Variants in GLB1 observed in about 807,000 individuals in gnomAD.
GLB1 encodes galactosidase beta 1.
GLB1 carries 56 observed loss-of-function variants against 74.0 expected under a neutral mutation model. The observed-to-expected ratio is 0.76, with a 90% CI of 0.61 to 0.94. The LOEUF (loss-of-function observed/expected upper bound fraction) is 0.94, where lower values mean the gene tolerates loss of function less well. GLB1 is among the 40% of genes least tolerant of loss of function. The probability of loss-of-function intolerance (pLI) is 0.00; values close to 1 mark genes in which losing one functional copy is unlikely to be tolerated. For missense variants in GLB1, 787 were observed against 845.5 expected (o/e 0.93, Z 0.86); for synonymous variants, 323 against 323.6 (o/e 1.00, Z 0.02).
intron 5 of GLB1, among the ~76,000 whole-genome samples, chr3:33,064,317 G>A (rs1292374689): frequency 1.3e-5 from 2 of 151,550 alleles, no homozygotes; most frequent in African/African-American, 4.9e-5. Flanking sequence ...GTGCACGCCT[G>A]TAATGCCAGC....
At chr3:33,063,022 G>A (rs1010386982) in intron 5 of GLB1, among the ~76,000 whole-genome samples, 1 of 152,180 alleles carries the variant, frequency 6.6e-6, no homozygotes, top group Non-Finnish European at 1.5e-5. Flanking sequence ...AAAAGGAGGC[G>A]ACAGTGACGG....
intron 1 of GLB1, among the ~76,000 whole-genome samples, chr3:33,089,041 T>C (rs907993199): frequency 6.6e-6 from 1 of 152,130 alleles, no homozygotes; most frequent in Non-Finnish European, 1.5e-5. Context: ...AAAAGGACAA[T>C]TTCTTCAGAA....
intron 1 of GLB1, chr3:33,077,324 A>G (rs1700149616): frequency 6.4e-7 from 1 of 1,557,992 alleles, no homozygotes; most frequent in Non-Finnish European, 8.7e-7. Flanking sequence ...TACACCACTT[A>G]GTAAACTAAT....
chr3:33,071,262 C>T (rs1233046336), intron 2 of GLB1, among the ~76,000 whole-genome samples: 1 of 151,806 alleles, frequency 6.6e-6, no homozygotes, highest in East Asian at 1.9e-4. Flanking sequence ...CTTGGGTTCA[C>T]TCTGCCAGTG....
At chr3:33,074,324 AGAAGGAAGGAAGGAAG>A (rs71622579) in intron 1 of GLB1, among the ~76,000 whole-genome samples, 43 of 92,958 alleles carry the variant, frequency 4.6e-4, no homozygotes, top group African/African-American at 1.8e-3. Flanking sequence ...AGAACGAGAA[AGAAGGAAGGAAGGAAG>A]GAAGGAAGGA....
intron 1 of GLB1, among the ~76,000 whole-genome samples, chr3:33,089,236 T>C (rs537715382): frequency 7.9e-5 from 12 of 152,306 alleles, no homozygotes; most frequent in Admixed American, 1.3e-4. Flanking sequence ...AATGATTTCT[T>C]GGATATGATG....
chr3:32,988,673 G>A, the GLB1 span, among the ~76,000 whole-genome samples: 1 of 152,272 alleles, frequency 6.6e-6, no homozygotes, highest in South Asian at 2.1e-4. Flanking sequence ...TTACCAGGTT[G>A]GCTTTTGTAG....
chr3:33,091,632 G>T (rs1700766971), intron 1 of GLB1: 1 of 984,052 alleles, frequency 1.0e-6, no homozygotes, highest in Admixed American at 6.1e-5. Flanking sequence ...ACAATCTTGA[G>T]GTAGATACGA....
At chr3:33,008,963 T>C (rs945449536) in intron 15 of GLB1, among the ~76,000 whole-genome samples, 1 of 150,978 alleles carries the variant, frequency 6.6e-6, no homozygotes, top group Non-Finnish European at 1.5e-5. Context: ...CTACTAAAAA[T>C]ACAAAATTAG....
chr3:33,079,957 A>G (rs955166298), intron 1 of GLB1, among the ~76,000 whole-genome samples: 1 of 151,834 alleles, frequency 6.6e-6, no homozygotes, highest in African/African-American at 2.4e-5. Flanking sequence ...ATAATTTTCA[A>G]ATTTTCTGTA....
chr3:33,076,800 C>T (rs1018210901), intron 1 of GLB1, among the ~76,000 whole-genome samples: 3 of 152,240 alleles, frequency 2.0e-5, no homozygotes, highest in Non-Finnish European at 4.4e-5. Context: ...AGAGTACCAA[C>T]TCATTACTAT....
intron 10 of GLB1, among the ~76,000 whole-genome samples, chr3:33,038,184 CTGTG>C (rs1698361275): frequency 6.6e-6 from 1 of 152,204 alleles, no homozygotes; most frequent in South Asian, 2.1e-4. Flanking sequence ...TTTATCTCTT[CTGTG>C]AGCCCCTCCA....
chr3:33,007,309 G>C (rs1482002103), intron 15 of GLB1, among the ~76,000 whole-genome samples: 1 of 152,154 alleles, frequency 6.6e-6, no homozygotes, highest in Non-Finnish European at 1.5e-5. Context: ...GTCAATTATA[G>C]AACATTTCGT....
chr3:33,051,934 G>C lies in GLB1; in HGVS notation c.863C>G (p.Ala288Gly). Residue 288 changes from alanine to glycine, a missense_variant, in exon 8 of 16, where the codon GCA (alanine) becomes GGA (glycine). Transcript: ENST00000307363. ...GQPHSTIKTE[A>G]VASSLYDILA... ...TATATCATAGAGGGAGGAAGCCACT[G>C]CTTCGGTCTTGATTGTGGAGTGAGG... 3 of 1,614,246 alleles carry C rather than the reference G, an allele frequency of 1.9e-6. No individual in the cohort carries two copies. Among genetic ancestry groups the C allele is most frequent in the Non-Finnish European group, 2.5e-6 (3 of 1,180,046 alleles).
chr3:32,961,608 C>T, the GLB1 span, among the ~76,000 whole-genome samples: 1 of 152,144 alleles, frequency 6.6e-6, no homozygotes, highest in African/African-American at 2.4e-5. Context: ...AAAACTGCTG[C>T]CATCGCCTTC....
At chr3:33,023,547 G>A (rs1272376027) in intron 11 of GLB1, among the ~76,000 whole-genome samples, 5 of 151,956 alleles carry the variant, frequency 3.3e-5, no homozygotes, top group African/African-American at 1.2e-4. Context: ...TTAAGAAATA[G>A]GTAACGGTTC....
chr3:33,053,387 T>C (rs1206776547), intron 7 of GLB1, 104 bp downstream of exon 7: 5 of 1,533,674 alleles, frequency 3.3e-6, no homozygotes, highest in Non-Finnish European at 3.6e-6. Context: ...CATTAGCTGC[T>C]GACTCCAGAG....
At chr3:33,025,717 CTG>C (rs1272136089) in intron 10 of GLB1, among the ~76,000 whole-genome samples, 39 of 150,974 alleles carry the variant, frequency 2.6e-4, no homozygotes, top group Non-Finnish European at 4.6e-4. Flanking sequence ...ATCACGCTGG[CTG>C]TGGCGGAAGG....
intron 1 of GLB1, chr3:33,077,434 A>C (rs1048854960): frequency 3.4e-6 from 3 of 889,994 alleles, no homozygotes; most frequent in Non-Finnish European, 5.3e-6. Flanking sequence ...CTCAGTTGGA[A>C]ATGGAGGATG....
Sources: gnomAD v4.1 joint callset for allele counts (sites outside exome capture counted in the v4.1 genomes callset) on GRCh38, gnomAD v4.1.1 for gene constraint, MANE v1.5 for transcripts, NCBI Gene and HGNC (gene_info 2026-07-23, HGNC 2026-07-21) for gene names.